The following SUGCT variants were observed in gnomAD, a reference collection of about 807,000 sequenced individuals.
SUGCT encodes the protein succinyl-CoA:glutarate CoA-transferase.
Under a neutral mutation model 55.0 loss-of-function variants are expected in SUGCT, and 41 were observed. The observed-to-expected ratio is 0.74, with a 90% CI of 0.58 to 0.97. The LOEUF is 0.97. Among genes scored for constraint, SUGCT ranks in the 50% least tolerant of loss-of-function variants. The pLI is 0.00. For synonymous variants in SUGCT, 187 were observed against 200.4 expected, an observed-to-expected ratio of 0.93 and a Z score of 0.56; for missense variants, 568 against 547.8, an observed-to-expected ratio of 1.04 and a Z score of -0.37.
At chr7:40,563,532 C>T (rs1481022238) in intron 12 of SUGCT, among the ~76,000 whole-genome samples, 1 of 150,710 alleles carries the variant, frequency 6.6e-6, no homozygotes, top group African/African-American at 2.4e-5. Context: ...ATAGTGAGAC[C>T]TTGTCTTTAC....
chr7:40,870,898 C>T, the SUGCT span, among the ~76,000 whole-genome samples: 3 of 152,272 alleles, frequency 2.0e-5, no homozygotes, highest in African/African-American at 7.2e-5. Context: ...GATCTGGCCA[C>T]TGAGAGCCTC....
At chr7:40,227,905 G>T (rs1157444877) in intron 6 of SUGCT, among the ~76,000 whole-genome samples, 1 of 150,880 alleles carries the variant, frequency 6.6e-6, no homozygotes, top group African/African-American at 2.4e-5. Context: ...TTTTTGAGAT[G>T]GAGTTTCGCT....
chr7:40,743,745 GA>G (rs1787585035), intron 12 of SUGCT, among the ~76,000 whole-genome samples: 4 of 152,094 alleles, frequency 2.6e-5, no homozygotes, highest in Admixed American at 2.6e-4. Flanking sequence ...GCCAGAGTTT[GA>G]ACCCAGTCTA....
chr7:41,006,017 G>T, the SUGCT span, among the ~76,000 whole-genome samples: 2 of 152,130 alleles, frequency 1.3e-5, no homozygotes, highest in Non-Finnish European at 2.9e-5. Flanking sequence ...CTCCTAAGAT[G>T]TATTGATAAA....
the SUGCT span, among the ~76,000 whole-genome samples, chr7:40,923,664 G>A: frequency 2.0e-5 from 3 of 152,296 alleles, no homozygotes; most frequent in African/African-American, 7.2e-5. Flanking sequence ...CCCCAGGCCT[G>A]CAATTTTCTC....
the SUGCT span, among the ~76,000 whole-genome samples, chr7:40,910,818 T>G: frequency 2.0e-5 from 3 of 152,160 alleles, no homozygotes; most frequent in African/African-American, 7.2e-5. Context: ...CCAAAATATA[T>G]ACACTAATTT....
chr7:40,675,431 A>T (rs575196770), intron 12 of SUGCT, among the ~76,000 whole-genome samples: 7 of 152,340 alleles, frequency 4.6e-5, no homozygotes, highest in African/African-American at 1.2e-4. Flanking sequence ...ATATATTTGT[A>T]TGTGTAGAAA....
intron 1 of SUGCT, among the ~76,000 whole-genome samples, chr7:40,165,273 A>G (rs1195553526): frequency 6.6e-6 from 1 of 152,056 alleles, no homozygotes; most frequent in East Asian, 1.9e-4. Flanking sequence ...GTTGGCTAGT[A>G]TGGGTGGGAA....
intron 12 of SUGCT, among the ~76,000 whole-genome samples, chr7:40,587,170 C>G (rs1280730422): frequency 6.6e-6 from 1 of 152,124 alleles, no homozygotes; most frequent in Non-Finnish European, 1.5e-5. Context: ...AGAGACACAA[C>G]AGATTTTTTG....
At chr7:40,930,138 T>C in the SUGCT span, among the ~76,000 whole-genome samples, 12,674 of 152,260 alleles carry the variant, frequency 0.083, 593 homozygotes, top group African/African-American at 0.12. Context: ...TTTCTACATA[T>C]GGCTAGCCAG....
chr7:40,205,468 C>T (rs527591193), intron 6 of SUGCT, among the ~76,000 whole-genome samples: 2 of 151,464 alleles, frequency 1.3e-5, no homozygotes, highest in Non-Finnish European at 2.9e-5. Flanking sequence ...ATGGTGAAAC[C>T]CCATCTCTAC....
chr7:40,202,932 A>G (rs1431732813), intron 6 of SUGCT, among the ~76,000 whole-genome samples: 3 of 151,478 alleles, frequency 2.0e-5, no homozygotes, highest in East Asian at 1.9e-4. Flanking sequence ...TTTATTCCGA[A>G]CTCTTAGCTC....
intron 2 of SUGCT, among the ~76,000 whole-genome samples, chr7:40,181,746 C>CAAA (rs35533534): frequency 9.6e-6 from 1 of 103,908 alleles, no homozygotes; most frequent in Non-Finnish European, 1.9e-5. Context: ...ACTCCGTCTC[C>CAAA]AAAAAAAAAA....
At chr7:40,381,038 G>T (rs1193159571) in intron 9 of SUGCT, among the ~76,000 whole-genome samples, 2 of 152,058 alleles carry the variant, frequency 1.3e-5, no homozygotes, top group East Asian at 1.9e-4. Context: ...ACCATCATTT[G>T]TCATATTTTT....
intron 12 of SUGCT, among the ~76,000 whole-genome samples, chr7:40,502,827 T>G (rs1792363169): frequency 1.3e-5 from 2 of 152,168 alleles, no homozygotes; most frequent in South Asian, 4.1e-4. Context: ...AATTTTCATT[T>G]GTTAGCCTCC....
At chr7:40,951,161 T>C in the SUGCT span, among the ~76,000 whole-genome samples, 1 of 152,206 alleles carries the variant, frequency 6.6e-6, no homozygotes, top group African/African-American at 2.4e-5. Context: ...TATTCAGAGA[T>C]TCAACTTCTT....
At chr7:40,199,664 A>C (rs1024705732) in intron 6 of SUGCT, among the ~76,000 whole-genome samples, 1 of 152,202 alleles carries the variant, frequency 6.6e-6, no homozygotes, top group Non-Finnish European at 1.5e-5. Context: ...ACTACATTTT[A>C]AAATGTTATT....
At chr7:40,973,026 T>C in the SUGCT span, among the ~76,000 whole-genome samples, 1 of 152,204 alleles carries the variant, frequency 6.6e-6, no homozygotes, top group Non-Finnish European at 1.5e-5. Context: ...TCCGGAGATA[T>C]GTCTCATTTG....
intron 12 of SUGCT, among the ~76,000 whole-genome samples, chr7:40,537,062 C>T (rs1322966350): frequency 6.6e-6 from 1 of 152,154 alleles, no homozygotes; most frequent in Non-Finnish European, 1.5e-5. Context: ...ACCATTGCAA[C>T]AATCTGGAAA....
Sources: allele counts gnomAD v4.1 joint callset (sites outside exome capture counted in the v4.1 genomes callset), GRCh38; gene constraint gnomAD v4.1.1; transcripts MANE v1.5; gene names NCBI Gene and HGNC (gene_info 2026-07-23, HGNC 2026-07-21).